Variants in FHIT observed in about 807,000 individuals in gnomAD.
The protein encoded by FHIT is bis(5'-adenosyl)-triphosphatase.
FHIT carries 19 observed loss-of-function variants against 17.9 expected under a neutral mutation model. The ratio of observed to expected loss-of-function variants is 1.06; its 90% confidence interval spans 0.74 to 1.56. FHIT has a LOEUF of 1.56. Ranked by LOEUF, FHIT falls within the 40% of genes most tolerant of loss-of-function variation. FHIT has a pLI of 0.00. For synonymous variants in FHIT, 81 were observed against 69.7 expected (o/e 1.16, Z -0.81); for missense variants, 248 against 189.2 (o/e 1.31, Z -1.82).
intron 5 of FHIT, among the ~76,000 whole-genome samples, chr3:60,350,179 C>G (rs760284629): frequency 2.4e-4 from 37 of 152,098 alleles, no homozygotes; most frequent in Non-Finnish European, 4.4e-4. Context: ...TCAGTTGCAA[C>G]TGGGGAACTG....
intron 5 of FHIT, among the ~76,000 whole-genome samples, chr3:60,155,389 C>A (rs1386255413): frequency 6.6e-6 from 1 of 152,136 alleles, no homozygotes; most frequent in Non-Finnish European, 1.5e-5. Context: ...TATTCCCACC[C>A]CTCATTTTCT....
At chr3:59,982,930 T>A (rs1050623813) in intron 7 of FHIT, among the ~76,000 whole-genome samples, 1 of 152,040 alleles carries the variant, frequency 6.6e-6, no homozygotes, top group Non-Finnish European at 1.5e-5. Context: ...GTCCTATGCA[T>A]CGTGCATTAG....
chr3:60,206,168 A>ATTATTATTATT (rs775940301), intron 5 of FHIT, among the ~76,000 whole-genome samples: 1 of 135,172 alleles, frequency 7.4e-6, no homozygotes, highest in African/African-American at 3.0e-5. Flanking sequence ...TAATAATAAT[A>ATTATTATTATT]ATAATTATAA....
chr3:59,894,488 T>C (rs1703982776), intron 8 of FHIT, among the ~76,000 whole-genome samples: 1 of 152,204 alleles, frequency 6.6e-6, no homozygotes, highest in Admixed American at 6.5e-5. Context: ...GGCTTGTCTT[T>C]TGCCCATCAG....
At chr3:60,897,493 A>T (rs1705888269) in intron 3 of FHIT, among the ~76,000 whole-genome samples, 1 of 152,198 alleles carries the variant, frequency 6.6e-6, no homozygotes, top group Non-Finnish European at 1.5e-5. Flanking sequence ...AACTTTACAC[A>T]ATCAGATTTT....
At chr3:61,038,365 A>C (rs549129617) in intron 3 of FHIT, among the ~76,000 whole-genome samples, 8 of 152,342 alleles carry the variant, frequency 5.3e-5, no homozygotes, top group Non-Finnish European at 1.0e-4. Context: ...TGAAACCAGA[A>C]TGTGTGACTT....
intron 5 of FHIT, among the ~76,000 whole-genome samples, chr3:60,494,465 A>G (rs375599197): frequency 3.2e-4 from 49 of 151,334 alleles, no homozygotes; most frequent in African/African-American, 1.2e-3. Context: ...CCTTTGTGTT[A>G]CAAACAATCA....
At chr3:61,022,823 T>G (rs2032522818) in intron 3 of FHIT, among the ~76,000 whole-genome samples, 1 of 152,150 alleles carries the variant, frequency 6.6e-6, no homozygotes, top group Non-Finnish European at 1.5e-5. Flanking sequence ...CTCAATAAAC[T>G]AGGTATTGAT....
chr3:60,585,801 G>C (rs2037887389), intron 4 of FHIT, among the ~76,000 whole-genome samples: 1 of 151,818 alleles, frequency 6.6e-6, no homozygotes, highest in Non-Finnish European at 1.5e-5. Context: ...CCCAAAGTGG[G>C]TTCTGTGAAA....
At chr3:61,119,710 C>T (rs529046376) in intron 2 of FHIT, among the ~76,000 whole-genome samples, 99 of 152,240 alleles carry the variant, frequency 6.5e-4, no homozygotes, top group Non-Finnish European at 1.3e-3. Flanking sequence ...CCACTGAGGG[C>T]GCAAATAAAA....
intron 3 of FHIT, among the ~76,000 whole-genome samples, chr3:60,997,187 A>C (rs752590419): frequency 2.6e-5 from 4 of 152,100 alleles, no homozygotes; most frequent in Non-Finnish European, 5.9e-5. Context: ...GACTTTGGGG[A>C]TGAAACAATA....
chr3:60,537,406 T>C, intron 4 of FHIT: 1 of 874,800 alleles, frequency 1.1e-6, no homozygotes, highest in Non-Finnish European at 1.4e-6. Context: ...TTCTCTCAAA[T>C]GGTTTTGTGT....
chr3:60,930,380 A>C (rs1255698025), intron 3 of FHIT, among the ~76,000 whole-genome samples: 1 of 152,292 alleles, frequency 6.6e-6, no homozygotes, highest in South Asian at 2.1e-4. Flanking sequence ...TCTAATTAAA[A>C]TAAAGAGCTT....
chr3:60,398,659 A>G (rs1229577845), intron 5 of FHIT, among the ~76,000 whole-genome samples: 2 of 152,182 alleles, frequency 1.3e-5, no homozygotes, highest in African/African-American at 4.8e-5. Context: ...TCTGAAATCT[A>G]GGGTGATACT....
At chr3:60,377,387 G>C (rs1319350154) in intron 5 of FHIT, among the ~76,000 whole-genome samples, 4 of 149,208 alleles carry the variant, frequency 2.7e-5, no homozygotes, top group African/African-American at 9.9e-5. Flanking sequence ...TCAATCTCTT[G>C]ACCTTGTGAT....
intron 4 of FHIT, among the ~76,000 whole-genome samples, chr3:60,649,807 A>C (rs896290199): frequency 4.1e-4 from 63 of 152,146 alleles, no homozygotes; most frequent in South Asian, 8.3e-4. Flanking sequence ...GGAAAAAAAA[A>C]CCCAGCAATT....
chr3:60,942,759 T>G (rs1489683993), intron 3 of FHIT, among the ~76,000 whole-genome samples: 1 of 152,156 alleles, frequency 6.6e-6, no homozygotes, highest in African/African-American at 2.4e-5. Context: ...ACTCTGCTAT[T>G]TTATTTATAC....
intron 2 of FHIT, among the ~76,000 whole-genome samples, chr3:61,128,080 A>T (rs936887071): frequency 6.6e-6 from 1 of 152,222 alleles, no homozygotes; most frequent in African/African-American, 2.4e-5. Flanking sequence ...CACTTTCTAC[A>T]GACAAGGTAC....
intron 5 of FHIT, among the ~76,000 whole-genome samples, chr3:60,470,738 A>C (rs2033046747): frequency 6.6e-6 from 1 of 151,970 alleles, no homozygotes; most frequent in South Asian, 2.1e-4. Flanking sequence ...CGGCAAGATA[A>C]AGTCCTCTTT....
Sources: gnomAD v4.1 joint callset for allele counts (sites outside exome capture counted in the v4.1 genomes callset) on GRCh38, gnomAD v4.1.1 for gene constraint, MANE v1.5 for transcripts, NCBI Gene and HGNC (gene_info 2026-07-23, HGNC 2026-07-21) for gene names.